Variants in GAREM1 observed in about 807,000 individuals in gnomAD.
The protein encoded by GAREM1 is GRB2-associated and regulator of MAPK protein 1.
A neutral mutation model predicts 71.3 loss-of-function variants in GAREM1; 26 were observed. That is an observed-to-expected ratio of 0.36 (90% CI 0.27 to 0.51). GAREM1 has a LOEUF of 0.51. GAREM1 is among the 20% of genes least tolerant of loss of function. The pLI, the probability that GAREM1 is intolerant of heterozygous loss-of-function variation, is 0.95. For missense variants in GAREM1, 1,026 were observed against 1,103.1 expected, an observed-to-expected ratio of 0.93 and a Z score of 0.99; for synonymous variants, 440 against 433.2, an observed-to-expected ratio of 1.02 and a Z score of -0.20.
At chr18:32,328,033 C>T (rs115480873) in intron 2 of GAREM1, among the ~76,000 whole-genome samples, 1 of 152,106 alleles carries the variant, frequency 6.6e-6, no homozygotes, top group African/African-American at 2.4e-5. Context: ...ATTAAATATA[C>T]AGGCCAAATT....
chr18:32,373,190 A>C (rs187524017), intron 2 of GAREM1, among the ~76,000 whole-genome samples: 1 of 152,358 alleles, frequency 6.6e-6, no homozygotes, highest in East Asian at 1.9e-4. Context: ...GTCTAGCTAA[A>C]GGGGACACAT....
At chr18:32,363,102 GC>G (rs1201897413) in intron 2 of GAREM1, among the ~76,000 whole-genome samples, 1 of 151,964 alleles carries the variant, frequency 6.6e-6, no homozygotes, top group Non-Finnish European at 1.5e-5. Context: ...AAATTGATGG[GC>G]CTGAAACAAA....
intron 2 of GAREM1, among the ~76,000 whole-genome samples, chr18:32,315,355 A>G (rs1023727019): frequency 8.0e-5 from 12 of 150,864 alleles, no homozygotes; most frequent in African/African-American, 2.4e-4. Flanking sequence ...TTTAAATAAC[A>G]TATTTTATTT....
intron 1 of GAREM1, among the ~76,000 whole-genome samples, chr18:32,400,350 G>T (rs565242259): frequency 2.6e-5 from 4 of 152,248 alleles, no homozygotes; most frequent in African/African-American, 9.6e-5. Flanking sequence ...AAGAGCTTCT[G>T]CACAGCAAAA....
rs1215465417 is a variant in GAREM1, at chr18:32,267,759, C to A, written c.*112G>T. 31 of 773,326 alleles carry A rather than the reference C, an allele frequency of 4.0e-5. No individual in the cohort carries two copies. The highest frequency in any genetic ancestry group is 3.0e-4 in the South Asian group (16 of 53,396). 47.9% of individuals were successfully genotyped at this position (773,326 alleles called of 1,614,324 possible). On this transcript the variant is annotated 3_prime_UTR_variant, in exon 6 of 6. Coordinates refer to ENST00000269209, the MANE Select transcript of GAREM1 (RefSeq NM_001242409.2). ...TCTGCATAGTAAGAGTTTCTCTTAT[C>A]CCTATTTACAGAGAAGGTTTTTAGT... is the stretch of plus-strand genomic sequence containing the variant.
rs544747091 is a variant in GAREM1, at chr18:32,268,039, C to A, written c.2463G>T (p.Arg821=). 4 of 1,614,140 alleles carry A rather than the reference C, an allele frequency of 2.5e-6. No homozygotes were observed. The East Asian group carries it at 6.7e-5, about 27-fold the overall frequency. Residue 821 remains arginine (R), a synonymous_variant, in exon 6 of 6, where the codon CGG becomes CGT. Transcript: ENST00000269209. ...LSIEEVSKSL[R]FIGLSEDVIS... ...TGACATCTTCGGACAAACCAATGAACCGTAGTGACTTGGACACTTCCTCTA... is the reference window on the plus strand; with the variant it reads ...TGACATCTTCGGACAAACCAATGAAACGTAGTGACTTGGACACTTCCTCTA...
intron 2 of GAREM1, among the ~76,000 whole-genome samples, chr18:32,347,750 T>C (rs2047710120): frequency 6.6e-6 from 1 of 152,190 alleles, no homozygotes; most frequent in Non-Finnish European, 1.5e-5. Context: ...AAATAGTATA[T>C]CAGAGTTTAT....
intron 2 of GAREM1, among the ~76,000 whole-genome samples, chr18:32,317,358 T>A (rs955041616): frequency 2.7e-5 from 4 of 149,340 alleles, no homozygotes; most frequent in Non-Finnish European, 5.9e-5. Flanking sequence ...TGAGCTGAGA[T>A]TGCATCACTG....
chr18:32,464,519 C>T (rs2048981348), intron 1 of GAREM1, among the ~76,000 whole-genome samples: 1 of 152,154 alleles, frequency 6.6e-6, no homozygotes. Context: ...CCTTTCCAAA[C>T]TCCTCCAGTC....
rs1208255878 is a variant in GAREM1, at chr18:32,334,586, AG to A, written c.263-24264del. 2.6e-5 allele frequency among the ~76,000 whole-genome samples: 4 copies of A among 152,204 alleles called. 1 individual carries two copies. Among genetic ancestry groups the A allele is most frequent in the Non-Finnish European group, 5.9e-5 (4 of 68,032 alleles). On this transcript the variant is annotated intron_variant, in intron 2 of 5. Coordinates refer to ENST00000269209, the MANE Select transcript of GAREM1 (RefSeq NM_001242409.2). ...CGAGTGGGGTTCCACATGGAAGCGG[AG>A]GAACAGGAGATAGTAAAAGATGGTG... is the stretch of plus-strand genomic sequence containing the variant.
intron 3 of GAREM1, among the ~76,000 whole-genome samples, chr18:32,303,559 CAACA>C (rs1190198730): frequency 1.3e-5 from 2 of 152,112 alleles, no homozygotes; most frequent in Non-Finnish European, 2.9e-5. Flanking sequence ...TTCGAAACCA[CAACA>C]AAGAACAGCT....
intron 2 of GAREM1, among the ~76,000 whole-genome samples, chr18:32,381,223 T>C (rs561206582): frequency 5.9e-5 from 9 of 152,240 alleles, no homozygotes; most frequent in African/African-American, 2.2e-4. Context: ...ATTCTTGCCA[T>C]CTAGAGGTCC....
chr18:32,320,153 C>T (rs2047415606), intron 2 of GAREM1, among the ~76,000 whole-genome samples: 1 of 152,120 alleles, frequency 6.6e-6, no homozygotes, highest in Admixed American at 6.6e-5. Flanking sequence ...CCTAATAGTT[C>T]ATTACCAAAC....
chr18:32,344,769 A>C (rs2047678206), intron 2 of GAREM1, among the ~76,000 whole-genome samples: 1 of 152,204 alleles, frequency 6.6e-6, no homozygotes, highest in Admixed American at 6.5e-5. Flanking sequence ...TCTCCAATAA[A>C]ACAGTCTGTA....
intron 1 of GAREM1, among the ~76,000 whole-genome samples, chr18:32,425,471 G>A (rs2048565487): frequency 6.6e-6 from 1 of 152,092 alleles, no homozygotes; most frequent in Non-Finnish European, 1.5e-5. Context: ...GTCTCTTAGT[G>A]GCCACAAGAA....
rs149635057 is a variant in GAREM1 at position 32,453,813 on chromosome 18, C to T, written c.121+16495G>A. On this transcript the variant is annotated intron_variant, in intron 1 of 5. Coordinates refer to ENST00000269209, the MANE Select transcript of GAREM1 (RefSeq NM_001242409.2). ...CACTATGTGTGCACATGCCTGTGTG[C>T]ATGTGTGTTGTATATTGTACAAAGA... Among the ~76,000 whole-genome samples, 84 of 152,198 alleles carry T rather than the reference C, an allele frequency of 5.5e-4. 1 individual carries two copies. Among genetic ancestry groups the T allele is most frequent in the African/African-American group, 2.0e-3 (81 of 41,526 alleles).
intron 2 of GAREM1, among the ~76,000 whole-genome samples, chr18:32,347,122 A>T (rs1172713022): frequency 1.3e-5 from 2 of 152,210 alleles, no homozygotes; most frequent in Non-Finnish European, 2.9e-5. Flanking sequence ...GCATACAACA[A>T]AAAAGGAAGT....
At chr18:32,398,631 C>T (rs867537999) in intron 1 of GAREM1, among the ~76,000 whole-genome samples, 14 of 151,954 alleles carry the variant, frequency 9.2e-5, no homozygotes, top group Admixed American at 5.3e-4. Flanking sequence ...AAGTTGAATC[C>T]CTGAATAGAC....
intron 2 of GAREM1, among the ~76,000 whole-genome samples, chr18:32,379,613 G>A (rs1417772241): frequency 6.6e-6 from 1 of 151,660 alleles, no homozygotes; most frequent in Admixed American, 6.6e-5. Context: ...CTGAGGCAAG[G>A]AAAATCGCTT....
Sources: gnomAD v4.1 joint callset for allele counts (sites outside exome capture counted in the v4.1 genomes callset) on GRCh38, gnomAD v4.1.1 for gene constraint, MANE v1.5 for transcripts, NCBI Gene and HGNC (gene_info 2026-07-23, HGNC 2026-07-21) for gene names.